Variants in MYLK observed in about 807,000 individuals in gnomAD.
MYLK encodes the protein myosin light chain kinase, also known as myosin light chain kinase, smooth muscle.
Under a neutral mutation model 203.4 loss-of-function variants are expected in MYLK, and 106 were observed. That is an observed-to-expected ratio of 0.52 (90% CI 0.45 to 0.61). MYLK has a LOEUF of 0.61. Among genes scored for constraint, MYLK ranks in the 20% least tolerant of loss-of-function variants. The probability of loss-of-function intolerance (pLI) is 0.00; values close to 1 mark genes in which losing one functional copy is unlikely to be tolerated. For synonymous variants in MYLK, 867 were observed against 959.5 expected, an observed-to-expected ratio of 0.90 and a Z score of 1.78; for missense variants, 2,072 against 2,442.3, an observed-to-expected ratio of 0.85 and a Z score of 3.20.
chr3:123,783,058 T>G (rs926707898), intron 4 of MYLK, among the ~76,000 whole-genome samples: 1 of 151,834 alleles, frequency 6.6e-6, no homozygotes, highest in Non-Finnish European at 1.5e-5. Context: ...TATGTAATAT[T>G]TGCCACATTG....
chr3:123,773,085 A>G (rs1281149830), intron 4 of MYLK, among the ~76,000 whole-genome samples: 2 of 152,138 alleles, frequency 1.3e-5, no homozygotes, highest in African/African-American at 4.8e-5. Flanking sequence ...AAGATTAAAT[A>G]TTAGAAATCA....
intron 2 of MYLK, among the ~76,000 whole-genome samples, chr3:123,850,991 T>C (rs751334864): frequency 6.6e-6 from 1 of 152,244 alleles, no homozygotes; most frequent in African/African-American, 2.4e-5. Flanking sequence ...AAACCATTTA[T>C]TGCATAGGGA....
At chr3:123,726,155 C>T (rs1357304982) in intron 11 of MYLK, 77 bp from the exon 12 acceptor site, 17 of 1,591,408 alleles carry the variant, frequency 1.1e-5, no homozygotes, top group Non-Finnish European at 1.4e-5. Flanking sequence ...CCCAGCCTCC[C>T]AGGCACGCCT....
At chr3:123,763,778 G>A (rs1360539163) in intron 4 of MYLK, among the ~76,000 whole-genome samples, 2 of 152,112 alleles carry the variant, frequency 1.3e-5, no homozygotes, top group Admixed American at 6.6e-5. Flanking sequence ...ATGATGACCT[G>A]ACTTGGTGTG....
intron 31 of MYLK, chr3:123,621,173 C>G (rs2057835134): frequency 6.6e-6 from 1 of 152,182 alleles, no homozygotes; most frequent in Admixed American, 6.5e-5. Context: ...AAAATTCTAC[C>G]AAGCATAGGA....
At chr3:123,749,496 T>C (rs1023323569) in intron 5 of MYLK, among the ~76,000 whole-genome samples, 1 of 152,178 alleles carries the variant, frequency 6.6e-6, no homozygotes, top group African/African-American at 2.4e-5. Context: ...TTCCATCATG[T>C]AAGGCCCTGA....
At chr3:123,779,523 T>C (rs2064210501) in intron 4 of MYLK, among the ~76,000 whole-genome samples, 1 of 152,212 alleles carries the variant, frequency 6.6e-6, no homozygotes, top group Admixed American at 6.5e-5. Context: ...TGGGACTCTG[T>C]GCTCACCATC....
At position 123,739,038 on chromosome 3, in the gene MYLK, C is replaced by T; in HGVS notation, c.447G>A (p.Val149=). ...TLGDRFSAPA[V]ETRPSIWGEC... ...CCCCCCAGATGCTAGGACGGGTCTC[C>T]ACTGCTGGAGCTGAAAATCTATCCC... is the stretch of plus-strand genomic sequence containing the variant. The change falls in exon 7 of 34, where the codon GTG becomes GTA. Residue 149 remains valine (V), a synonymous_variant. Transcript: ENST00000360304. 1 of 1,613,868 alleles carries T rather than the reference C, an allele frequency of 6.2e-7. No individual in the cohort carries two copies. The highest frequency in any genetic ancestry group is 1.1e-5 in the South Asian group (1 of 90,960).
intron 2 of MYLK, among the ~76,000 whole-genome samples, chr3:123,875,236 T>C (rs747565571): frequency 1.3e-4 from 20 of 152,340 alleles, no homozygotes; most frequent in Non-Finnish European, 2.4e-4. Context: ...AACTGGGGAA[T>C]AGGTAAACAC....
At chr3:123,656,919 A>G (rs149099632) in intron 24 of MYLK, among the ~76,000 whole-genome samples, 25 of 152,304 alleles carry the variant, frequency 1.6e-4, no homozygotes, top group African/African-American at 5.5e-4. Context: ...TGCTGGTTCA[A>G]TGTTTTTTGA....
At chr3:123,779,538 C>G (rs1288002942) in intron 4 of MYLK, among the ~76,000 whole-genome samples, 2 of 152,202 alleles carry the variant, frequency 1.3e-5, no homozygotes, top group African/African-American at 4.8e-5. Flanking sequence ...ACCATCTAAA[C>G]TCCAGCTCTC....
chr3:123,831,289 C>T, intron 3 of MYLK: 1 of 1,076,640 alleles, frequency 9.3e-7, no homozygotes, highest in Non-Finnish European at 1.2e-6. Context: ...ATCTTGTTTC[C>T]TGGCTAGTTC....
At chr3:123,863,623 T>A (rs2032100081) in intron 2 of MYLK, among the ~76,000 whole-genome samples, 1 of 152,102 alleles carries the variant, frequency 6.6e-6, no homozygotes, top group Non-Finnish European at 1.5e-5. Context: ...CCTTAATTAT[T>A]AGGGAAATGC....
rs114920952 is a variant in MYLK, at chr3:123,696,248, G to A, written c.3449-3397C>T. On this transcript the variant is annotated intron_variant, in intron 18 of 33. Coordinates refer to ENST00000360304, the MANE Select transcript of MYLK (RefSeq NM_053025.4). ...GCACGTCCACTAGCAGTTGGTGCAC[G>A]CAGATACACAGGTTGATGGGGAGGG... 4.7e-3 allele frequency among the ~76,000 whole-genome samples: 717 copies of A among 152,246 alleles called. 4 individuals are homozygous for A. The highest frequency in any genetic ancestry group is 0.016 in the African/African-American group (677 of 41,552).
chr3:123,780,541 G>A (rs1225223046), intron 4 of MYLK, among the ~76,000 whole-genome samples: 1 of 152,246 alleles, frequency 6.6e-6, no homozygotes, highest in Non-Finnish European at 1.5e-5. Flanking sequence ...TTTATAGGAT[G>A]AGGAAACTAC....
At chr3:123,646,578 G>A (rs1324725504) in intron 27 of MYLK, among the ~76,000 whole-genome samples, 1 of 152,240 alleles carries the variant, frequency 6.6e-6, no homozygotes, top group East Asian at 1.9e-4. Flanking sequence ...TCAGAGGTAA[G>A]GGAGGTGGAG....
intron 5 of MYLK, among the ~76,000 whole-genome samples, chr3:123,740,931 G>C (rs370411250): frequency 2.0e-5 from 3 of 152,338 alleles, no homozygotes; most frequent in East Asian, 1.9e-4. Flanking sequence ...CTGCAGCTGG[G>C]AGGGACAATT....
chr3:123,704,845 G>A (rs1278738720), intron 16 of MYLK, among the ~76,000 whole-genome samples: 12 of 152,034 alleles, frequency 7.9e-5, no homozygotes, highest in Admixed American at 3.3e-4. Flanking sequence ...GCGTGAACCC[G>A]GGAGGTGGAG....
chr3:123,728,995 A>T (rs898918617), intron 11 of MYLK, among the ~76,000 whole-genome samples: 3 of 152,192 alleles, frequency 2.0e-5, no homozygotes, highest in Admixed American at 2.0e-4. Context: ...TGACCAAAAA[A>T]CTTCAAAGGA....
Sources: gnomAD v4.1 joint callset for allele counts (sites outside exome capture counted in the v4.1 genomes callset) on GRCh38, gnomAD v4.1.1 for gene constraint, MANE v1.5 for transcripts, NCBI Gene and HGNC (gene_info 2026-07-23, HGNC 2026-07-21) for gene names.